The following DNAJC6 variants were observed in gnomAD, a reference collection of about 807,000 sequenced individuals.
The protein encoded by DNAJC6 is DnaJ heat shock protein family (Hsp40) member C6.
DNAJC6 carries 34 observed loss-of-function variants against 110.0 expected under a neutral mutation model. That is an observed-to-expected ratio of 0.31 (90% CI 0.24 to 0.41). The LOEUF (loss-of-function observed/expected upper bound fraction) is 0.41, where lower values mean the gene tolerates loss of function less well. Among genes scored for constraint, DNAJC6 ranks in the 10% least tolerant of loss-of-function variants. The probability of loss-of-function intolerance (pLI) is 1.00; values close to 1 mark genes in which losing one functional copy is unlikely to be tolerated. For missense variants in DNAJC6, 1,031 were observed against 1,207.8 expected (o/e 0.85, Z 2.17); for synonymous variants, 406 against 437.2 (o/e 0.93, Z 0.89).
intron 16 of DNAJC6, among the ~76,000 whole-genome samples, chr1:65,406,585 C>G (rs1646078935): frequency 6.6e-6 from 1 of 152,108 alleles, no homozygotes; most frequent in South Asian, 2.1e-4. Context: ...GCACATTGGT[C>G]ATATTTGCCC....
intron 1 of DNAJC6, among the ~76,000 whole-genome samples, chr1:65,276,205 A>G (rs1217728701): frequency 6.6e-6 from 1 of 152,194 alleles, no homozygotes; most frequent in African/African-American, 2.4e-5. Context: ...TTACCAAAAG[A>G]GATTCTTCAC....
At chr1:65,319,791 C>T (rs886104434) in intron 1 of DNAJC6, among the ~76,000 whole-genome samples, 3 of 152,052 alleles carry the variant, frequency 2.0e-5, no homozygotes, top group African/African-American at 7.2e-5. Context: ...ATTTTAGTTT[C>T]TTCCTCTTCT....
At chr1:65,358,545 G>A (rs138127726) in intron 1 of DNAJC6, among the ~76,000 whole-genome samples, 1 of 152,346 alleles carries the variant, frequency 6.6e-6, no homozygotes, top group African/African-American at 2.4e-5. Flanking sequence ...TAGGCATTCA[G>A]TAGGTTTCAG....
intron 16 of DNAJC6, among the ~76,000 whole-genome samples, 155 bp from the exon 17 acceptor site, chr1:65,408,486 C>T (rs1346171484): frequency 6.6e-6 from 1 of 152,150 alleles, no homozygotes; most frequent in Admixed American, 6.5e-5. Context: ...ATGGATGCAA[C>T]AGTCTCTTAC....
chr1:65,268,862 C>A (rs1435238502), intron 1 of DNAJC6, among the ~76,000 whole-genome samples: 1 of 152,050 alleles, frequency 6.6e-6, no homozygotes, highest in East Asian at 1.9e-4. Flanking sequence ...TTACTAAGTT[C>A]TTTGAGTATG....
chr1:65,387,339 A>C (rs1269443710), intron 8 of DNAJC6, among the ~76,000 whole-genome samples: 2 of 152,232 alleles, frequency 1.3e-5, no homozygotes, highest in Non-Finnish European at 2.9e-5. Flanking sequence ...ACCCTTTTAA[A>C]GTGTACAATG....
chr1:65,268,114 T>C (rs1653396142), intron 1 of DNAJC6, among the ~76,000 whole-genome samples: 1 of 152,220 alleles, frequency 6.6e-6, no homozygotes, highest in African/African-American at 2.4e-5. Flanking sequence ...GGTAAAATTA[T>C]AAGAGGTTGA....
At chr1:65,311,905 G>T (rs1337217289) in intron 1 of DNAJC6, among the ~76,000 whole-genome samples, 2 of 152,104 alleles carry the variant, frequency 1.3e-5, no homozygotes, top group Non-Finnish European at 2.9e-5. Context: ...CACTGTGAGG[G>T]AACACAGTAG....
At chr1:65,330,719 G>T (rs1470762434) in intron 1 of DNAJC6, among the ~76,000 whole-genome samples, 8 of 152,118 alleles carry the variant, frequency 5.3e-5, no homozygotes, top group Admixed American at 5.2e-4. Context: ...CGCCAGTCTC[G>T]GCCTCCCAAA....
At chr1:65,382,973 A>G (rs1346701570) in intron 5 of DNAJC6, among the ~76,000 whole-genome samples, 4 of 152,218 alleles carry the variant, frequency 2.6e-5, no homozygotes, top group Non-Finnish European at 4.4e-5. Context: ...GGTATTTCAG[A>G]TATGTGAAGG....
intron 4 of DNAJC6, among the ~76,000 whole-genome samples, chr1:65,369,680 A>C (rs1645687360): frequency 6.6e-6 from 1 of 152,150 alleles, no homozygotes; most frequent in African/African-American, 2.4e-5. Context: ...CATGATGATT[A>C]TGTGATTGTT....
At chr1:65,325,804 A>C (rs1039297258) in intron 1 of DNAJC6, among the ~76,000 whole-genome samples, 2 of 152,248 alleles carry the variant, frequency 1.3e-5, no homozygotes, top group Non-Finnish European at 2.9e-5. Context: ...ATAGCCTGCT[A>C]TGCACTTAGG....
intron 4 of DNAJC6, among the ~76,000 whole-genome samples, chr1:65,375,244 C>A (rs115277317): frequency 0.045 from 6,785 of 152,058 alleles, 203 homozygotes; most frequent in Non-Finnish European, 0.065. Context: ...GGATTATAGG[C>A]GTGAGCTGCC....
At chr1:65,350,159 T>G (rs1435768651) in intron 1 of DNAJC6, among the ~76,000 whole-genome samples, 1 of 152,192 alleles carries the variant, frequency 6.6e-6, no homozygotes, top group Non-Finnish European at 1.5e-5. Context: ...TAGACTCTGC[T>G]TACATGATGG....
rs1029257785 is a variant in DNAJC6 at position 65,274,599 on chromosome 1, G to A, written c.-131+9667G>A. On this transcript the variant is annotated intron_variant, in intron 1 of 19. Coordinates refer to the DNAJC6 transcript ENST00000263441. ...CCCAAAGTGCTGGGATTACAGGCAT[G>A]AGCCACTGTGCCCAGCCTATACTTT... 7.9e-5 allele frequency among the ~76,000 whole-genome samples: 12 copies of A among 152,224 alleles called. 1 individual carries two copies. Among genetic ancestry groups the A allele is most frequent in the African/African-American group, 2.9e-4 (12 of 41,468 alleles).
intron 1 of DNAJC6, among the ~76,000 whole-genome samples, chr1:65,343,846 G>A (rs1334431494): frequency 6.6e-6 from 1 of 152,206 alleles, no homozygotes; most frequent in Non-Finnish European, 1.5e-5. Flanking sequence ...ATTCACGCTA[G>A]TTGTGCCATT....
At chr1:65,307,500 T>C (rs908332668), upstream of DNAJC6, among the ~76,000 whole-genome samples, 3 of 152,170 alleles carry the variant, frequency 2.0e-5, no homozygotes, top group Admixed American at 2.0e-4. Context: ...AAAATAATAA[T>C]TTTCACTTTT....
At chr1:65,353,631 T>C (rs1645512739) in intron 1 of DNAJC6, among the ~76,000 whole-genome samples, 1 of 152,242 alleles carries the variant, frequency 6.6e-6, no homozygotes, top group Non-Finnish European at 1.5e-5. Flanking sequence ...AGTCATTACT[T>C]TGTATTTCTC....
At chr1:65,359,005 T>C (rs1247449329) in intron 1 of DNAJC6, among the ~76,000 whole-genome samples, 2 of 152,220 alleles carry the variant, frequency 1.3e-5, no homozygotes, top group Admixed American at 1.3e-4. Flanking sequence ...TCTCCTTTGA[T>C]ACCACTTCTC....
Sources: gnomAD v4.1 joint callset for allele counts (sites outside exome capture counted in the v4.1 genomes callset) on GRCh38, gnomAD v4.1.1 for gene constraint, MANE v1.5 for transcripts, NCBI Gene and HGNC (gene_info 2026-07-23, HGNC 2026-07-21) for gene names.